The following GLIS3 variants were observed in gnomAD, a reference collection of about 807,000 sequenced individuals.
GLIS3 encodes the protein zinc finger protein GLIS3.
A neutral mutation model predicts 78.6 loss-of-function variants in GLIS3; 53 were observed. The ratio of observed to expected loss-of-function variants is 0.67; its 90% CI spans 0.54 to 0.85. The LOEUF (loss-of-function observed/expected upper bound fraction) is 0.85. Ranked by LOEUF, GLIS3 falls within the 40% of genes least tolerant of loss-of-function variation. The pLI is 0.00. For synonymous variants in GLIS3, 684 were observed against 509.9 expected, an observed-to-expected ratio of 1.34 and a Z score of -4.60; for missense variants, 1,703 against 1,231.1, an observed-to-expected ratio of 1.38 and a Z score of -5.74.
At chr9:4,473,429 G>A in the GLIS3 span, among the ~76,000 whole-genome samples, 2 of 131,930 alleles carry the variant, frequency 1.5e-5, no homozygotes, top group African/African-American at 2.6e-5. Flanking sequence ...CTGGGCGACA[G>A]GGCGAGACTC....
At chr9:4,055,584 C>T (rs1190373076) in intron 4 of GLIS3, among the ~76,000 whole-genome samples, 1 of 152,216 alleles carries the variant, frequency 6.6e-6, no homozygotes, top group Non-Finnish European at 1.5e-5. Context: ...GACCTTCCTA[C>T]AGAAGGTTCA....
intron 4 of GLIS3, among the ~76,000 whole-genome samples, chr9:3,962,761 G>C (rs532476708): frequency 1.3e-5 from 2 of 152,164 alleles, no homozygotes; most frequent in Non-Finnish European, 2.9e-5. Flanking sequence ...GAGTGCTAAT[G>C]ATGTCATTTG....
the GLIS3 span, among the ~76,000 whole-genome samples, chr9:4,408,195 G>C: frequency 6.6e-6 from 1 of 152,014 alleles, no homozygotes; most frequent in Non-Finnish European, 1.5e-5. Flanking sequence ...CCACTACGGA[G>C]AACAGCATGG....
intron 8 of GLIS3, among the ~76,000 whole-genome samples, chr9:3,872,159 T>G (rs1276441413): frequency 1.3e-5 from 2 of 152,224 alleles, no homozygotes; most frequent in Non-Finnish European, 2.9e-5. Flanking sequence ...CATTTCCATC[T>G]GAGACCACCT....
intron 8 of GLIS3, among the ~76,000 whole-genome samples, chr9:3,858,319 T>C (rs997193386): frequency 6.6e-6 from 1 of 152,204 alleles, no homozygotes; most frequent in African/African-American, 2.4e-5. Flanking sequence ...TTCTATATAA[T>C]TATATGCTGA....
At chr9:4,254,974 T>C (rs7032932) in intron 2 of GLIS3, among the ~76,000 whole-genome samples, 2 of 152,168 alleles carry the variant, frequency 1.3e-5, no homozygotes, top group Admixed American at 6.5e-5. Flanking sequence ...ATTTGTAGTA[T>C]ATTTAAATAT....
chr9:4,296,499 G>A (rs921156302), intron 1 of GLIS3, among the ~76,000 whole-genome samples: 7 of 152,102 alleles, frequency 4.6e-5, no homozygotes, highest in Non-Finnish European at 7.4e-5. Context: ...AATAAAGATT[G>A]CCTTTCTTAT....
At chr9:4,007,886 T>A in intron 4 of GLIS3, among the ~76,000 whole-genome samples, 1 of 3,692 alleles carries the variant, frequency 2.7e-4, no homozygotes, top group East Asian at 0.011. Flanking sequence ...CGGGCGGGGG[T>A]GGGTGGGCGT....
the GLIS3 span, among the ~76,000 whole-genome samples, chr9:4,447,619 T>C: frequency 1.7e-4 from 26 of 152,346 alleles, no homozygotes; most frequent in African/African-American, 5.8e-4. Context: ...TGACCACTAA[T>C]CTCCCTTCCT....
intron 4 of GLIS3, among the ~76,000 whole-genome samples, chr9:4,039,662 C>G (rs531123852): frequency 6.6e-6 from 1 of 152,344 alleles, no homozygotes; most frequent in Admixed American, 6.5e-5. Context: ...CAGAGCCTGC[C>G]TGGCTCCCAG....
At chr9:4,323,275 T>C (rs1277308018) in intron 2 of GLIS3, among the ~76,000 whole-genome samples, 13 of 152,202 alleles carry the variant, frequency 8.5e-5, no homozygotes, top group Non-Finnish European at 1.5e-4. Flanking sequence ...CCTCAGGTGA[T>C]TTGCCTGCCT....
intron 2 of GLIS3, among the ~76,000 whole-genome samples, chr9:4,167,866 G>C (rs1319362926): frequency 1.3e-5 from 2 of 152,196 alleles, no homozygotes; most frequent in Non-Finnish European, 2.9e-5. Flanking sequence ...CTATTCCGAA[G>C]TGTTTGTTTC....
the GLIS3 span, among the ~76,000 whole-genome samples, chr9:4,413,672 C>T: frequency 4.6e-5 from 7 of 152,134 alleles, no homozygotes; most frequent in African/African-American, 1.7e-4. Flanking sequence ...GCATCCTGAA[C>T]ATTGCCACCC....
the GLIS3 span, among the ~76,000 whole-genome samples, chr9:4,429,856 G>A: frequency 6.6e-6 from 1 of 152,026 alleles, no homozygotes; most frequent in Admixed American, 6.6e-5. Flanking sequence ...AAACTAAAGC[G>A]GGTTTTTCAT....
chr9:3,842,189 C>G (rs1818761247), intron 9 of GLIS3, among the ~76,000 whole-genome samples: 1 of 152,124 alleles, frequency 6.6e-6, no homozygotes, highest in African/African-American at 2.4e-5. Flanking sequence ...AAAAGACTTC[C>G]CCAGCTGGGT....
chr9:4,377,858 C>T, the GLIS3 span, among the ~76,000 whole-genome samples: 1 of 152,036 alleles, frequency 6.6e-6, no homozygotes, highest in African/African-American at 2.4e-5. Context: ...GATCTCTAAC[C>T]TAAGAAGTTT....
At chr9:4,428,323 A>G in the GLIS3 span, among the ~76,000 whole-genome samples, 25,064 of 151,650 alleles carry the variant, frequency 0.17, 2,182 homozygotes, top group South Asian at 0.23. Flanking sequence ...TACTAAAAAT[A>G]CAAAAATTAG....
rs188344457 is a variant in GLIS3, at chr9:3,889,781, T to A, written c.2128+8910A>T. Among the ~76,000 whole-genome samples the A allele has an allele frequency of 4.2e-4, 64 of 152,318 alleles. 2 individuals carry two copies. The highest frequency in any genetic ancestry group is 1.4e-3 in the African/African-American group (60 of 41,578). On this transcript the variant is annotated intron_variant, in intron 7 of 10. Coordinates refer to ENST00000381971, the MANE Select transcript of GLIS3 (RefSeq NM_001042413.2). ...TTCTCACCTAAAGGCTAATAACTTT[T>A]AAAAAATTTTTTACATTAAAAAATC...
chr9:4,215,325 ATATG>A (rs752725772), intron 2 of GLIS3, among the ~76,000 whole-genome samples: 3 of 45,716 alleles, frequency 6.6e-5, no homozygotes, highest in Non-Finnish European at 8.5e-5. Flanking sequence ...GTGTGTGTGC[ATATG>A]TGTGTGTGTG....
Sources: allele counts gnomAD v4.1 joint callset (sites outside exome capture counted in the v4.1 genomes callset), GRCh38; gene constraint gnomAD v4.1.1; transcripts MANE v1.5; gene names NCBI Gene and HGNC (gene_info 2026-07-23, HGNC 2026-07-21).